The following VPS13A variants were observed in gnomAD, a reference collection of about 807,000 sequenced individuals.
The protein encoded by VPS13A is vacuolar protein sorting 13 homolog A, also known as intermembrane lipid transfer protein VPS13A.
In VPS13A, 264 loss-of-function variants were observed where a neutral mutation model predicts 390.9. That is an observed-to-expected ratio of 0.68 (90% CI 0.61 to 0.75). The LOEUF (loss-of-function observed/expected upper bound fraction) is 0.75, where lower values mean the gene tolerates loss of function less well. Ranked by LOEUF, VPS13A falls within the 30% of genes least tolerant of loss-of-function variation. The probability of loss-of-function intolerance (pLI) is 0.00; values close to 1 mark genes in which losing one functional copy is unlikely to be tolerated. For missense variants in VPS13A, 3,409 were observed against 3,733.9 expected (o/e 0.91, Z 2.27); for synonymous variants, 1,231 against 1,227.1 (o/e 1.00, Z -0.07).
At chr9:77,343,317 T>A (rs1312661532) in intron 50 of VPS13A, among the ~76,000 whole-genome samples, 1 of 152,232 alleles carries the variant, frequency 6.6e-6, no homozygotes, top group Non-Finnish European at 1.5e-5. Context: ...AATTCCATTT[T>A]ATGGTTGAAT....
rs576672243 is a variant in VPS13A, at chr9:77,339,086, A to C, written c.6379-430A>C. 325 of 202,794 alleles carry C rather than the reference A, an allele frequency of 1.6e-3. 1 individual carries two copies. The highest frequency in any genetic ancestry group is 2.4e-3 in the Non-Finnish European group (244 of 100,606). The allele number at this position is 202,794 out of a possible 1,614,324, so 12.6% of individuals were successfully genotyped here. Reference sequence around the variant, plus strand: ...GGAAATGGGTGATGAGGGATTGTGGAGGTAGTAGGGATTACTTATTTTGGA... The same window carrying C: ...GGAAATGGGTGATGAGGGATTGTGGCGGTAGTAGGGATTACTTATTTTGGA... On this transcript the variant is annotated intron_variant, in intron 47 of 71. Transcript: ENST00000360280.
intron 44 of VPS13A, 141 bp downstream of exon 44, chr9:77,321,887 C>A: frequency 1.0e-6 from 1 of 988,178 alleles, no homozygotes; most frequent in Non-Finnish European, 1.5e-6. Context: ...TCTAATAGGT[C>A]AAGAACTGTT....
chr9:77,402,471 T>C (rs191798423), intron 68 of VPS13A, among the ~76,000 whole-genome samples: 137 of 152,308 alleles, frequency 9.0e-4, no homozygotes, highest in African/African-American at 3.2e-3. Context: ...TGAGGGAACT[T>C]AGTCATAATT....
At position 77,177,743 on chromosome 9, in the gene VPS13A, G is replaced by C. The variant is rs1185301951; in HGVS notation, c.39G>C (p.Arg13=). 4 of 1,613,598 alleles carry C rather than the reference G, an allele frequency of 2.5e-6. No individual in the cohort carries two copies. Among genetic ancestry groups the C allele is most frequent in the Non-Finnish European group, 2.5e-6 (3 of 1,179,726 alleles). ...CGGTGGTCGTGGACGTGTTGAACCG[G>C]TTCTTGGGGGACTATGTGGTGGACT... The part of the protein sequence containing the change: ...FESVVVDVLN[R]FLGDYVVDLD... Residue 13 remains arginine, a synonymous_variant, in exon 1 of 72, where the codon CGG becomes CGC. Coordinates refer to ENST00000360280, the MANE Select transcript of VPS13A (RefSeq NM_033305.3).
intron 63 of VPS13A, among the ~76,000 whole-genome samples, 190 bp from the exon 64 acceptor site, chr9:77,370,067 C>T (rs1174553154): frequency 6.6e-6 from 1 of 152,170 alleles, no homozygotes; most frequent in Non-Finnish European, 1.5e-5. Context: ...AACATTATAT[C>T]CTTCACACTT....
At chr9:77,351,646 G>A (rs1158200628) in intron 53 of VPS13A, among the ~76,000 whole-genome samples, 200 bp downstream of exon 53, 1 of 152,088 alleles carries the variant, frequency 6.6e-6, no homozygotes, top group Non-Finnish European at 1.5e-5. Flanking sequence ...CAAGGCAGGC[G>A]GATCACCAGG....
rs542677689 is a variant in VPS13A, at chr9:77,375,529, G to T, written c.9077+4380G>T. Among the ~76,000 whole-genome samples, 4 of 151,998 alleles carry T rather than the reference G, an allele frequency of 2.6e-5. No homozygotes were observed. In the East Asian group the frequency reaches 7.7e-4, roughly 29 times the overall value. ...TAAAAGCATTATTTGGGATAAATAA[G>T]GTAATTAGGTAATGATAAAAAGAAC... On this transcript the variant is annotated intron_variant, in intron 67 of 71. Transcript: ENST00000360280.
intron 67 of VPS13A, among the ~76,000 whole-genome samples, chr9:77,379,900 C>A (rs1376998466): frequency 6.6e-6 from 1 of 151,970 alleles, no homozygotes; most frequent in African/African-American, 2.4e-5. Flanking sequence ...CTCTTTTTTC[C>A]TTGCTGATCT....
At chr9:77,216,904 C>T (rs1479827279) in intron 10 of VPS13A, among the ~76,000 whole-genome samples, 1 of 152,170 alleles carries the variant, frequency 6.6e-6, no homozygotes, top group Non-Finnish European at 1.5e-5. Flanking sequence ...CTAAGCCACT[C>T]TGGTCTTTCC....
chr9:77,280,099 T>C (rs1360281681), intron 26 of VPS13A, 60 bp from the exon 27 acceptor site: 6 of 1,294,334 alleles, frequency 4.6e-6, no homozygotes, highest in Admixed American at 3.6e-5. Context: ...ATAAGATTGC[T>C]TGCATTTATT....
intron 1 of VPS13A, among the ~76,000 whole-genome samples, chr9:77,186,173 A>G (rs972468695): frequency 6.6e-5 from 10 of 152,238 alleles, no homozygotes; most frequent in Non-Finnish European, 1.5e-5. Flanking sequence ...TGGAGGTAGT[A>G]TATGTAATAC....
rs916193966 is a variant in VPS13A at position 77,419,777 on chromosome 9, A to G, written c.*3771A>G. Reference sequence around the variant, plus strand: ...TACTATAATAGAACTGGGGACATACATTGTCCTTTTGAGTCCGTTGAATCT... The same window carrying G: ...TACTATAATAGAACTGGGGACATACGTTGTCCTTTTGAGTCCGTTGAATCT... On this transcript the variant is annotated 3_prime_UTR_variant, in exon 72 of 72. Transcript: ENST00000360280. 1.3e-5 allele frequency: 2 copies of G among 152,156 alleles called. No individual in the cohort carries two copies. Among genetic ancestry groups the G allele is most frequent in the African/African-American group, 4.8e-5 (2 of 41,430 alleles). The allele number at this position is 152,156 out of a possible 1,614,324, so 9.4% of individuals were successfully genotyped here.
intron 61 of VPS13A, 152 bp from the exon 62 acceptor site, chr9:77,367,903 T>G (rs118113685): frequency 2.9e-6 from 2 of 693,648 alleles, no homozygotes; most frequent in Non-Finnish European, 4.9e-6. Context: ...CAGAGATGTA[T>G]GTAAAAAGTA....
At chr9:77,309,472 T>C (rs1210320879) in intron 35 of VPS13A, among the ~76,000 whole-genome samples, 1 of 152,230 alleles carries the variant, frequency 6.6e-6, no homozygotes, top group Non-Finnish European at 1.5e-5. Context: ...CCTGAAACTT[T>C]GGGTATTACC....
chr9:77,370,390 T>G (rs778807834), intron 64 of VPS13A, 25 bp from the exon 65 acceptor site: 1 of 1,614,162 alleles, frequency 6.2e-7, no homozygotes, highest in East Asian at 2.2e-5. Context: ...GCATCATTAC[T>G]TTTACTAAAG....
At chr9:77,322,010 AG>A (rs1287468491) in intron 44 of VPS13A, among the ~76,000 whole-genome samples, 11 of 151,796 alleles carry the variant, frequency 7.2e-5, no homozygotes, top group Middle Eastern at 3.2e-3. Flanking sequence ...TGTTGTTGGG[AG>A]GAAAAATATT....
Position 77,214,161 on chromosome 9 carries a change from A to G in VPS13A, c.697-168A>G, listed in dbSNP as rs145189157. Among the ~76,000 whole-genome samples, 8,319 of 152,140 alleles carry G rather than the reference A, an allele frequency of 0.055. 338 individuals are homozygous for G. The highest frequency in any genetic ancestry group is 0.12 in the Middle Eastern group (36 of 294). On this transcript the variant is annotated intron_variant, in intron 9 of 71. Transcript: ENST00000360280. ...CACGGTGGGGCACGTCTGTAATCCCAGCCACTCGGGAGGCTGAGGCAGGAG... is the reference window on the plus strand; with the variant it reads ...CACGGTGGGGCACGTCTGTAATCCCGGCCACTCGGGAGGCTGAGGCAGGAG...
At chr9:77,294,528 C>G (rs1489741148) in intron 32 of VPS13A, among the ~76,000 whole-genome samples, 2 of 152,082 alleles carry the variant, frequency 1.3e-5, no homozygotes, top group Non-Finnish European at 2.9e-5. Context: ...TTCTTATAAG[C>G]AAGAAAAGTA....
At chr9:77,323,030 TATA>T (rs753666400) in intron 44 of VPS13A, 34 bp from the exon 45 acceptor site, 11 of 1,485,332 alleles carry the variant, frequency 7.4e-6, no homozygotes, top group Middle Eastern at 1.7e-4. Context: ...TGTAATGAAT[TATA>T]ATAAAAACTT....
Sources: gnomAD v4.1 joint callset for allele counts (sites outside exome capture counted in the v4.1 genomes callset) on GRCh38, gnomAD v4.1.1 for gene constraint, MANE v1.5 for transcripts, NCBI Gene and HGNC (gene_info 2026-07-23, HGNC 2026-07-21) for gene names.